The following AOC3 variants were observed in gnomAD, a reference collection of about 807,000 sequenced individuals.
AOC3 encodes amine oxidase [copper-containing] 3.
Under a neutral mutation model 55.4 loss-of-function variants are expected in AOC3, and 47 were observed. That is an observed-to-expected ratio of 0.85 (90% CI 0.67 to 1.08). AOC3 has a LOEUF of 1.08. Ranked by LOEUF, AOC3 falls within the 50% of genes least tolerant of loss-of-function variation. The probability of loss-of-function intolerance (pLI) is 0.00; values close to 1 mark genes in which losing one functional copy is unlikely to be tolerated. For missense variants in AOC3, 853 were observed against 993.1 expected, an observed-to-expected ratio of 0.86 and a Z score of 1.90; for synonymous variants, 386 against 410.7, an observed-to-expected ratio of 0.94 and a Z score of 0.73.
intron 3 of AOC3, among the ~76,000 whole-genome samples, chr17:42,856,061 C>T (rs1330275004): frequency 6.6e-6 from 1 of 152,080 alleles, no homozygotes; most frequent in African/African-American, 2.4e-5. Context: ...AGGCAATGGG[C>T]GATATGATGG....
rs371494488 is a variant in AOC3, at chr17:42,852,864, C to T, written c.1521C>T (p.Tyr507=). ...SAFLFGATGK[Y]GNQVSEHTLG... is the part of the protein sequence containing the mutation. ...TCCTCTTTGGTGCTACTGGGAAGTA[C>T]GGGAACCAAGTGTCAGAGCACACCC... Residue 507 remains tyrosine, a synonymous_variant, in exon 1 of 4, where the codon TAC becomes TAT. Transcript: ENST00000308423. The T allele has an allele frequency of 2.3e-4, 373 of 1,613,392 alleles. 3 individuals carry two copies. The South Asian group carries it at 3.3e-3, about 14-fold the overall frequency.
At chr17:42,853,463 C>A in intron 1 of AOC3, 1 of 920,246 alleles carries the variant, frequency 1.1e-6, no homozygotes, top group Non-Finnish European at 1.3e-6. Flanking sequence ...TGAGGGGTCA[C>A]ATGGATCCCG....
chr17:42,851,305 T>C lies in AOC3; in HGVS notation c.-39T>C. On this transcript the variant is annotated 5_prime_UTR_variant, in exon 1 of 4. Coordinates refer to ENST00000308423, the MANE Select transcript of AOC3 (RefSeq NM_003734.4). Reference sequence around the variant, plus strand: ...TCTTGCTGGCGTGAGAATACATTGCTCTCCTTTGGTTGAATCAGCTGTCCC... The same window carrying C: ...TCTTGCTGGCGTGAGAATACATTGCCCTCCTTTGGTTGAATCAGCTGTCCC... The C allele has an allele frequency of 6.4e-7, 1 of 1,551,776 alleles. No homozygotes were observed. Among genetic ancestry groups the C allele is most frequent in the Non-Finnish European group, 8.7e-7 (1 of 1,146,090 alleles).
At chr17:42,853,558 T>G (rs529510357) in intron 1 of AOC3, among the ~76,000 whole-genome samples, 1 of 152,218 alleles carries the variant, frequency 6.6e-6, no homozygotes, top group South Asian at 2.1e-4. Flanking sequence ...CTTTGTCTTT[T>G]CACTGTCTTT....
In AOC3 at chr17:42,857,207, GT is replaced by G. The variant is rs1290254154; in HGVS notation, c.*658del. 6.5e-6 allele frequency: 1 copy of G among 152,688 alleles called. No individual in the cohort carries two copies. The highest frequency in any genetic ancestry group is 2.4e-5 in the African/African-American group (1 of 41,406). 9.5% of individuals were successfully genotyped at this position (152,688 alleles called of 1,614,324 possible). On this transcript the variant is annotated 3_prime_UTR_variant, in exon 4 of 4. Transcript: ENST00000308423. ...CAAGGTCACGGGACCCCTAATCAGAGTGGCCAATCCCTGTGTGTCGTTCCCT... is the reference window on the plus strand; with the variant it reads ...CAAGGTCACGGGACCCCTAATCAGAGGGCCAATCCCTGTGTGTCGTTCCCT...
In AOC3 at chr17:42,857,252, G is replaced by A. The variant is rs2055761967; in HGVS notation, c.*702G>A. Reference sequence around the variant, plus strand: ...GTTCCCTTGTGTCTGTTGCTTATTGGGAGTAGGAGTTGCTCCTACCCCTGT... The same window carrying A: ...GTTCCCTTGTGTCTGTTGCTTATTGAGAGTAGGAGTTGCTCCTACCCCTGT... On this transcript the variant is annotated 3_prime_UTR_variant, in exon 4 of 4. Coordinates refer to ENST00000308423, the MANE Select transcript of AOC3 (RefSeq NM_003734.4). The A allele has an allele frequency of 6.6e-6, 1 of 152,492 alleles. No homozygotes were observed. Among genetic ancestry groups the A allele is most frequent in the African/African-American group, 2.4e-5 (1 of 41,406 alleles). 9.4% of individuals were successfully genotyped at this position (152,492 alleles called of 1,614,324 possible). A position where few individuals can be genotyped will look rare whatever the true frequency, so the allele number is the denominator to read the frequency against.
At position 42,852,128 on chromosome 17, in the gene AOC3, A is replaced by G; in HGVS notation, c.785A>G (p.Gln262Arg). 1.2e-6 allele frequency: 2 copies of G among 1,613,912 alleles called. No homozygotes were observed. Among genetic ancestry groups the G allele is most frequent in the Non-Finnish European group, 1.7e-6 (2 of 1,179,856 alleles). Residue 262 changes from glutamine (Q) to arginine (R), a missense_variant, in exon 1 of 4, where the codon CAG becomes CGG. Transcript: ENST00000308423. ...KALDPARWTI[Q>R]KVFYQGRYYD... ...CTTGACCCTGCCCGCTGGACTATCC[A>G]GAAGGTGTTCTATCAAGGCCGCTAC... is the stretch of plus-strand genomic sequence containing the variant.
At position 42,856,523 on chromosome 17, in the gene AOC3, C is replaced by A. The variant is rs1448009173; in HGVS notation, c.2265C>A (p.Phe755Leu). 1 of 1,606,712 alleles carries A rather than the reference C, an allele frequency of 6.2e-7. No homozygotes were observed. Among genetic ancestry groups the A allele is most frequent in the African/African-American group, 1.3e-5 (1 of 74,714 alleles). Residue 755 changes from phenylalanine (F) to leucine (L), a missense_variant, in exon 4 of 4, where the codon TTC (phenylalanine) becomes TTA (leucine). By Grantham distance (22) the Phe-to-Leu change is conservative. Transcript: ENST00000308423. ...CCTGTGCCCCCGACCTCCCTGCCTT[C>A]TCCCACGGGGGCTTCTCTCACAACT... is the stretch of plus-strand genomic sequence containing the variant. ...AAACAPDLPA[F>L]SHGGFSHN
chr17:42,855,944 C>T (rs1026326050), intron 3 of AOC3, among the ~76,000 whole-genome samples: 1 of 152,212 alleles, frequency 6.6e-6, no homozygotes, highest in Non-Finnish European at 1.5e-5. Context: ...TTCCCAAGCG[C>T]TGGTTCTTTT....
intron 3 of AOC3, 52 bp from the exon 4 acceptor site, chr17:42,856,223 C>T: frequency 6.3e-7 from 1 of 1,592,728 alleles, no homozygotes; most frequent in Non-Finnish European, 8.6e-7. Flanking sequence ...CCTACCAGGG[C>T]ATGTCCTCAG....
chr17:42,853,046 AT>A (rs2055698722), intron 1 of AOC3, 103 bp downstream of exon 1: 1 of 1,420,332 alleles, frequency 7.0e-7, no homozygotes, highest in South Asian at 1.4e-5. Flanking sequence ...GAAGACGTGG[AT>A]TTTTGTACTT....
Position 42,856,271 on chromosome 17 carries a change from C to T in AOC3, c.2017-4C>T, listed in dbSNP as rs1369677229. On this transcript the variant is annotated splice_polypyrimidine_tract_variant and splice_region_variant and intron_variant, in intron 3 of 3. Coordinates refer to ENST00000308423, the MANE Select transcript of AOC3 (RefSeq NM_003734.4). ...TCGTGATCCTCTTTCTTCTCCCCTG[C>T]TAGGATTTGGTGGCCTGGGTGACAG... 18 of 1,613,384 alleles carry T rather than the reference C, an allele frequency of 1.1e-5. No individual in the cohort carries two copies. The highest frequency in any genetic ancestry group is 1.4e-5 in the Non-Finnish European group (16 of 1,179,526).
At position 42,852,863 on chromosome 17, in the gene AOC3, A is replaced by G; in HGVS notation, c.1520A>G (p.Tyr507Cys). Residue 507 changes from tyrosine (Y) to cysteine (C), a missense_variant, in exon 1 of 4, where the codon TAC (tyrosine) becomes TGC (cysteine). By Grantham distance (194) the Tyr-to-Cys change is radical (BLOSUM62 -2). Transcript: ENST00000308423. ...TTCCTCTTTGGTGCTACTGGGAAGT[A>G]CGGGAACCAAGTGTCAGAGCACACC... ...SAFLFGATGKYGNQVSEHTLG... is the reference protein window; with the variant it reads ...SAFLFGATGKCGNQVSEHTLG... The G allele has an allele frequency of 6.2e-7, 1 of 1,613,514 alleles. No homozygotes were observed. Among genetic ancestry groups the G allele is most frequent in the Non-Finnish European group, 8.5e-7 (1 of 1,179,518 alleles).
rs796305303 is a variant in AOC3, at chr17:42,853,128, A to G, written c.1600+185A>G. 3.9e-5 allele frequency: 53 copies of G among 1,369,434 alleles called. No homozygotes were observed. In the African/African-American group the frequency reaches 5.7e-4, roughly 15 times the overall value. 84.8% of individuals were successfully genotyped at this position (1,369,434 alleles called of 1,614,324 possible). On this transcript the variant is annotated intron_variant, in intron 1 of 3. Coordinates refer to ENST00000308423, the MANE Select transcript of AOC3 (RefSeq NM_003734.4). Reference sequence around the variant, plus strand: ...GATCTTAGCTCACTGGCTGGGTGCAAAGCTGCAGCCTTCCTCTACGTGACC... The same window carrying G: ...GATCTTAGCTCACTGGCTGGGTGCAGAGCTGCAGCCTTCCTCTACGTGACC...
intron 1 of AOC3, chr17:42,853,395 G>A: frequency 1.0e-6 from 1 of 997,038 alleles, no homozygotes; most frequent in South Asian, 4.4e-5. Flanking sequence ...CATTTCCTTT[G>A]GAGATGGACC....
chr17:42,855,943 G>A (rs1276040844), intron 3 of AOC3, among the ~76,000 whole-genome samples: 3 of 152,156 alleles, frequency 2.0e-5, no homozygotes, highest in Admixed American at 1.3e-4. Flanking sequence ...CTTCCCAAGC[G>A]CTGGTTCTTT....
chr17:42,852,826 A>G lies in AOC3; in HGVS notation c.1483A>G (p.Ile495Val). 1.9e-6 allele frequency: 3 copies of G among 1,614,072 alleles called. No individual in the cohort carries two copies. Among genetic ancestry groups the G allele is most frequent in the Non-Finnish European group, 2.5e-6 (3 of 1,179,952 alleles). ...AATACGATTCTATGCCACGGGCTAC[A>G]TCAGCTCGGCATTCCTCTTTGGTGC... ...IEIRFYATGY[I>V]SSAFLFGATG... Residue 495 changes from isoleucine to valine, a missense_variant, in exon 1 of 4, where the codon ATC becomes GTC. Ile to Val is a conservative substitution (Grantham distance 29). Transcript: ENST00000308423.
chr17:42,857,125 C>G lies in AOC3; in HGVS notation c.*575C>G, dbSNP rs1418293458. The G allele has an allele frequency of 2.0e-5, 3 of 153,796 alleles. No individual in the cohort carries two copies. The highest frequency in any genetic ancestry group is 7.2e-5 in the African/African-American group (3 of 41,436). The allele number at this position is 153,796 out of a possible 1,614,324, so 9.5% of individuals were successfully genotyped here. The stretch of plus-strand genomic sequence containing the variant: ...TCCCTATGTCCCAGCCCCTGGTACT[C>G]CCCCAGCCCTCAGTTTTCAGTCAAG... On this transcript the variant is annotated 3_prime_UTR_variant, in exon 4 of 4. Transcript: ENST00000308423.
Position 42,851,990 on chromosome 17 carries a change from G to C in AOC3, c.647G>C (p.Arg216Pro). The C allele has an allele frequency of 1.2e-6, 2 of 1,613,800 alleles. No individual in the cohort carries two copies. The highest frequency in any genetic ancestry group is 1.7e-6 in the Non-Finnish European group (2 of 1,179,862). ...CTGGTGACAATGACCACGGCTCCCC[G>C]TGGTCTGCAATCAGGGGACCGGGCC... Reference protein sequence around the residue: ...RNLVTMTTAPRGLQSGDRATW... With the variant: ...RNLVTMTTAPPGLQSGDRATW... Residue 216 changes from arginine to proline, a missense_variant, in exon 1 of 4, where the codon CGT becomes CCT. By Grantham distance (103) the Arg-to-Pro change is moderately radical. Transcript: ENST00000308423.
Sources: gnomAD v4.1 joint callset for allele counts (sites outside exome capture counted in the v4.1 genomes callset) on GRCh38, gnomAD v4.1.1 for gene constraint, MANE v1.5 for transcripts, NCBI Gene and HGNC (gene_info 2026-07-23, HGNC 2026-07-21) for gene names.